RABGAP1L: variants seen among roughly 807,000 people sequenced by gnomAD.
RABGAP1L encodes the protein RAB GTPase activating protein 1 like.
In RABGAP1L, 63 loss-of-function variants were observed where a neutral mutation model predicts 137.7. The observed-to-expected ratio is 0.46, with a 90% CI of 0.37 to 0.56. The LOEUF (loss-of-function observed/expected upper bound fraction) is 0.56. RABGAP1L is among the 20% of genes least tolerant of loss of function. The probability of loss-of-function intolerance (pLI) is 0.00; values close to 1 mark genes in which losing one functional copy is unlikely to be tolerated. For missense variants in RABGAP1L, 1,095 were observed against 1,244.0 expected, an observed-to-expected ratio of 0.88 and a Z score of 1.80; for synonymous variants, 431 against 433.7, an observed-to-expected ratio of 0.99 and a Z score of 0.08.
chr1:174,728,542 C>A (rs59781000), intron 17 of RABGAP1L, among the ~76,000 whole-genome samples: 3 of 150,646 alleles, frequency 2.0e-5, no homozygotes. Context: ...TATGGCCATA[C>A]TGTGCAAAGT....
intron 12 of RABGAP1L, among the ~76,000 whole-genome samples, chr1:174,376,149 AAGG>A (rs1382615698): frequency 1.3e-5 from 2 of 151,288 alleles, no homozygotes; most frequent in African/African-American, 2.4e-5. Context: ...AGAGAGAAGG[AAGG>A]AGAGAGAGAA....
rs143439254 is a variant in RABGAP1L, at chr1:174,331,158, CCT to C, written c.1465+26042_1465+26043del. Reference sequence around the variant, plus strand: ...ACATGTAAAAGAATGAAACTAGGCCCCTCTCTCTCTCTGTATGTAAGTCAATT... The same window carrying C: ...ACATGTAAAAGAATGAAACTAGGCCCCTCTCTCTCTGTATGTAAGTCAATT... On this transcript the variant is annotated intron_variant, in intron 11 of 25. Coordinates refer to ENST00000681986, the MANE Select transcript of RABGAP1L (RefSeq NM_001366446.1). 4.0e-5 allele frequency among the ~76,000 whole-genome samples: 6 copies of C among 151,770 alleles called. No homozygotes were observed. In the South Asian group the frequency reaches 6.2e-4, roughly 16 times the overall value.
intron 13 of RABGAP1L, among the ~76,000 whole-genome samples, chr1:174,518,270 A>G (rs1325557904): frequency 2.6e-5 from 4 of 152,192 alleles, no homozygotes; most frequent in African/African-American, 9.6e-5. Flanking sequence ...AACTATCCGT[A>G]TAAAGCCTCC....
At chr1:174,933,614 A>T (rs1373617510) in intron 19 of RABGAP1L, among the ~76,000 whole-genome samples, 1 of 152,184 alleles carries the variant, frequency 6.6e-6, no homozygotes, top group Non-Finnish European at 1.5e-5. Context: ...GCAGATTCTT[A>T]GGCTCCATCT....
chr1:174,289,672 G>A (rs1676398588), intron 10 of RABGAP1L, among the ~76,000 whole-genome samples: 1 of 152,200 alleles, frequency 6.6e-6, no homozygotes, highest in Non-Finnish European at 1.5e-5. Flanking sequence ...TGGGCTTCTG[G>A]TTGGGCCAGC....
chr1:174,234,563 G>C (rs1457226508), intron 4 of RABGAP1L, among the ~76,000 whole-genome samples: 17 of 136,672 alleles, frequency 1.2e-4, no homozygotes, highest in Non-Finnish European at 2.4e-4. Flanking sequence ...GTTTGTCAAA[G>C]ATCAGATAGT....
intron 13 of RABGAP1L, among the ~76,000 whole-genome samples, chr1:174,609,516 A>G (rs1557894283): frequency 6.6e-6 from 1 of 152,138 alleles, no homozygotes; most frequent in African/African-American, 2.4e-5. Flanking sequence ...CTGTAACCAT[A>G]AACTGTTTCT....
intron 1 of RABGAP1L, among the ~76,000 whole-genome samples, chr1:174,201,908 T>C (rs1668137241): frequency 6.6e-6 from 1 of 151,336 alleles, no homozygotes; most frequent in Non-Finnish European, 1.5e-5. Flanking sequence ...GGTGTTTGAT[T>C]CTTTGTCCTT....
intron 1 of RABGAP1L, among the ~76,000 whole-genome samples, chr1:174,183,580 A>G (rs1666553966): frequency 6.6e-6 from 1 of 152,184 alleles, no homozygotes; most frequent in Admixed American, 6.5e-5. Flanking sequence ...AGGGTAGTAA[A>G]TTTGTTACAG....
chr1:174,424,986 G>A (rs1651788089), intron 13 of RABGAP1L, among the ~76,000 whole-genome samples: 1 of 151,994 alleles, frequency 6.6e-6, no homozygotes, highest in South Asian at 2.1e-4. Context: ...GCAAATAATA[G>A]GATGTTTTAC....
At chr1:174,248,459 G>A (rs752190287) in intron 5 of RABGAP1L, among the ~76,000 whole-genome samples, 17 of 152,122 alleles carry the variant, frequency 1.1e-4, no homozygotes, top group Non-Finnish European at 2.2e-4. Context: ...GGATAGCATG[G>A]TAAAATAATG....
chr1:174,542,098 C>T (rs1245568079), intron 13 of RABGAP1L, among the ~76,000 whole-genome samples: 1 of 152,170 alleles, frequency 6.6e-6, no homozygotes, highest in Non-Finnish European at 1.5e-5. Context: ...CAGGATGATG[C>T]TGGCCTCATA....
At chr1:174,980,900 GT>G (rs1196716568) in intron 23 of RABGAP1L, among the ~76,000 whole-genome samples, 1 of 140,408 alleles carries the variant, frequency 7.1e-6, no homozygotes, top group African/African-American at 2.7e-5. Context: ...ACAAAAGACA[GT>G]TTTTTTTGTT....
intron 19 of RABGAP1L, among the ~76,000 whole-genome samples, chr1:174,870,882 C>T (rs965742125): frequency 2.6e-5 from 4 of 151,720 alleles, no homozygotes; most frequent in Non-Finnish European, 5.9e-5. Flanking sequence ...GGACTACAGG[C>T]GCCTGCCACA....
intron 13 of RABGAP1L, among the ~76,000 whole-genome samples, chr1:174,489,570 T>C (rs201592934): frequency 7.8e-6 from 1 of 127,522 alleles, no homozygotes; most frequent in Non-Finnish European, 1.9e-5. Context: ...AACACTTTTA[T>C]ATGGTTGGTG....
intron 1 of RABGAP1L, among the ~76,000 whole-genome samples, chr1:174,161,801 T>C (rs1664481009): frequency 6.6e-6 from 1 of 152,198 alleles, no homozygotes; most frequent in African/African-American, 2.4e-5. Context: ...CAGTCCTAGC[T>C]CACTGCAGCC....
chr1:174,697,757 G>T (rs2148513543), intron 15 of RABGAP1L, among the ~76,000 whole-genome samples: 1 of 152,290 alleles, frequency 6.6e-6, no homozygotes, highest in Admixed American at 6.5e-5. Context: ...TTGAGGCTTT[G>T]ATGACAAAGG....
chr1:174,439,653 T>G, intron 13 of RABGAP1L, among the ~76,000 whole-genome samples: 1 of 152,190 alleles, frequency 6.6e-6, no homozygotes, highest in Non-Finnish European at 1.5e-5. Flanking sequence ...CTCCCACAAT[T>G]GGGAAATGCA....
rs186479090 is a variant in RABGAP1L at position 174,251,003 on chromosome 1, G to A, written c.875+371G>A. Among the ~76,000 whole-genome samples the A allele has an allele frequency of 4.6e-5, 7 of 152,306 alleles. No homozygotes were observed. In the East Asian group the frequency reaches 1.2e-3, roughly 25 times the overall value. On this transcript the variant is annotated intron_variant, in intron 6 of 25. Coordinates refer to ENST00000681986, the MANE Select transcript of RABGAP1L (RefSeq NM_001366446.1). ...TTTAGGAGAGACGGGGTTTCACCCC[G>A]TTGGCCAGGCTTGTCTCGAACTCCT...
Sources: gnomAD v4.1 joint callset for allele counts (sites outside exome capture counted in the v4.1 genomes callset) on GRCh38, gnomAD v4.1.1 for gene constraint, MANE v1.5 for transcripts, NCBI Gene and HGNC (gene_info 2026-07-23, HGNC 2026-07-21) for gene names.